The following KAZN variants were observed in gnomAD, a reference collection of about 807,000 sequenced individuals.
KAZN encodes kazrin, periplakin interacting protein, also known as kazrin.
Under a neutral mutation model 87.4 loss-of-function variants are expected in KAZN, and 40 were observed. That is an observed-to-expected ratio of 0.46 (90% CI 0.36 to 0.60). KAZN has a LOEUF of 0.60. KAZN is among the 20% of genes least tolerant of loss of function. KAZN has a pLI of 0.00. For synonymous variants in KAZN, 466 were observed against 458.3 expected, an observed-to-expected ratio of 1.02 and a Z score of -0.22; for missense variants, 898 against 1,073.9, an observed-to-expected ratio of 0.84 and a Z score of 2.29.
intron 1 of KAZN, among the ~76,000 whole-genome samples, chr1:13,916,384 C>A (rs2100886002): frequency 6.6e-6 from 1 of 152,212 alleles, no homozygotes; most frequent in East Asian, 1.9e-4. Flanking sequence ...CCTGCTGGGA[C>A]TCTAAGCATC....
intron 1 of KAZN, among the ~76,000 whole-genome samples, chr1:14,695,047 C>T (rs1262736732): frequency 1.3e-5 from 2 of 152,138 alleles, no homozygotes; most frequent in Non-Finnish European, 2.9e-5. Context: ...CAAAGTCTGC[C>T]AAGATGAAGC....
intron 2 of KAZN, among the ~76,000 whole-genome samples, chr1:14,493,287 G>A (rs2148413289): frequency 6.6e-6 from 1 of 152,338 alleles, no homozygotes; most frequent in African/African-American, 2.4e-5. Context: ...ACACAAAGTA[G>A]ATACTCAATG....
intron 1 of KAZN, among the ~76,000 whole-genome samples, chr1:14,089,740 G>A (rs867351955): frequency 3.2e-4 from 48 of 152,012 alleles, no homozygotes; most frequent in African/African-American, 1.1e-3. Context: ...CTTTTATTCC[G>A]CTACATGATT....
intron 1 of KAZN, among the ~76,000 whole-genome samples, chr1:14,060,628 G>A (rs923086816): frequency 6.6e-6 from 1 of 152,204 alleles, no homozygotes; most frequent in Non-Finnish European, 1.5e-5. Context: ...CCCTGGAGCA[G>A]CTTGAAGCAT....
At chr1:14,200,265 C>A (rs1472170787) in intron 2 of KAZN, among the ~76,000 whole-genome samples, 1 of 151,814 alleles carries the variant, frequency 6.6e-6, no homozygotes, top group Admixed American at 6.6e-5. Flanking sequence ...GAAAACATGT[C>A]CATAATAAAT....
At chr1:14,513,032 AT>A (rs1482293424) in intron 2 of KAZN, among the ~76,000 whole-genome samples, 2 of 152,172 alleles carry the variant, frequency 1.3e-5, no homozygotes, top group African/African-American at 4.8e-5. Context: ...ATCACATATG[AT>A]TGAGATTGCT....
intron 1 of KAZN, among the ~76,000 whole-genome samples, chr1:14,914,851 C>CACTTACATAGTACTGGT (rs59651946): frequency 0.4 from 60,734 of 151,274 alleles, 13,006 homozygotes; most frequent in Non-Finnish European, 0.46. Flanking sequence ...ATAGCAATAG[C>CACTTACATAGTACTGGT]ACTTACATAG....
intron 1 of KAZN, among the ~76,000 whole-genome samples, chr1:13,900,189 G>A (rs1304649796): frequency 2.0e-5 from 3 of 152,194 alleles, no homozygotes; most frequent in African/African-American, 7.2e-5. Context: ...GGTCAGTGGG[G>A]AAAACAACTT....
At chr1:14,975,281 C>T (rs1007479247) in intron 2 of KAZN, among the ~76,000 whole-genome samples, 4 of 152,214 alleles carry the variant, frequency 2.6e-5, no homozygotes, top group African/African-American at 9.7e-5. Flanking sequence ...GGCTTGAGCT[C>T]CCGCCCAACT....
chr1:13,902,511 T>C (rs559982195), intron 1 of KAZN, among the ~76,000 whole-genome samples: 3 of 152,152 alleles, frequency 2.0e-5, no homozygotes, highest in Non-Finnish European at 4.4e-5. Context: ...ATCACTTGTG[T>C]TCCCAAACCC....
chr1:14,498,564 T>C (rs1047244329), intron 2 of KAZN, among the ~76,000 whole-genome samples: 2 of 152,070 alleles, frequency 1.3e-5, no homozygotes, highest in Admixed American at 6.5e-5. Context: ...TGGTGGTGGG[T>C]GCCTGTAATC....
intron 2 of KAZN, among the ~76,000 whole-genome samples, chr1:15,006,427 G>A (rs999586896): frequency 5.3e-5 from 8 of 152,286 alleles, no homozygotes; most frequent in East Asian, 1.9e-4. Flanking sequence ...AGAAAAGCCC[G>A]GGCCGGGCTG....
At chr1:14,268,754 C>T (rs1428459206) in intron 2 of KAZN, among the ~76,000 whole-genome samples, 1 of 152,156 alleles carries the variant, frequency 6.6e-6, no homozygotes, top group Admixed American at 6.5e-5. Flanking sequence ...AATTACAGGT[C>T]CCAATTTTCA....
intron 1 of KAZN, among the ~76,000 whole-genome samples, chr1:13,905,990 T>C (rs557501665): frequency 2.0e-5 from 3 of 152,250 alleles, no homozygotes; most frequent in Admixed American, 6.5e-5. Flanking sequence ...AGCTCCTCCT[T>C]CTCATCTGTG....
At chr1:14,771,807 C>G (rs1326243958) in intron 1 of KAZN, among the ~76,000 whole-genome samples, 1 of 152,032 alleles carries the variant, frequency 6.6e-6, no homozygotes, top group Non-Finnish European at 1.5e-5. Flanking sequence ...GCCTGGGTGA[C>G]AGAGGGAGAC....
rs76875540 is a variant in KAZN, at chr1:13,970,968, T to C, written c.91+77212T>C. 5.6e-4 allele frequency among the ~76,000 whole-genome samples: 85 copies of C among 152,330 alleles called. 1 individual carries two copies. Among genetic ancestry groups the C allele is most frequent in the African/African-American group, 1.8e-3 (75 of 41,572 alleles). ...CTGAAAATGAGAGTGACATATGTTG[T>C]GTATCAATTATTTACTGCCCCAAAC... On this transcript the variant is annotated intron_variant, in intron 1 of 16. Coordinates refer to the KAZN transcript ENST00000636203.
intron 2 of KAZN, among the ~76,000 whole-genome samples, chr1:14,395,817 G>C (rs1363918026): frequency 1.3e-5 from 2 of 152,138 alleles, no homozygotes; most frequent in African/African-American, 4.8e-5. Flanking sequence ...CCAAACAGGA[G>C]TGGCACTGAC....
chr1:14,929,502 C>T (rs1008747763), intron 1 of KAZN, among the ~76,000 whole-genome samples: 1 of 152,202 alleles, frequency 6.6e-6, no homozygotes, highest in Non-Finnish European at 1.5e-5. Context: ...AATAGCACCC[C>T]TGGCTCTGGG....
At chr1:15,068,047 A>G in intron 8 of KAZN, 2 of 745,092 alleles carry the variant, frequency 2.7e-6, no homozygotes, top group Non-Finnish European at 3.3e-6. Context: ...AGTTATGGGT[A>G]ACATTAGACG....
Sources: allele counts gnomAD v4.1 joint callset (sites outside exome capture counted in the v4.1 genomes callset), GRCh38; gene constraint gnomAD v4.1.1; transcripts MANE v1.5; gene names NCBI Gene and HGNC (gene_info 2026-07-23, HGNC 2026-07-21).